Variants in NDUFS2 observed in about 807,000 individuals in gnomAD.
NDUFS2 encodes the protein NADH dehydrogenase [ubiquinone] iron-sulfur protein 2, mitochondrial.
In NDUFS2, 38 loss-of-function variants were observed where a neutral mutation model predicts 69.6. The observed-to-expected ratio is 0.55, with a 90% CI of 0.42 to 0.72. The LOEUF (loss-of-function observed/expected upper bound fraction) is 0.72. NDUFS2 is among the 30% of genes least tolerant of loss of function. The probability of loss-of-function intolerance (pLI) is 0.00; values close to 1 mark genes in which losing one functional copy is unlikely to be tolerated. For synonymous variants in NDUFS2, 194 were observed against 211.2 expected, an observed-to-expected ratio of 0.92 and a Z score of 0.70; for missense variants, 468 against 595.0, an observed-to-expected ratio of 0.79 and a Z score of 2.22.
At chr1:161,204,801 C>A (rs1665365804) in intron 2 of NDUFS2, among the ~76,000 whole-genome samples, 1 of 152,082 alleles carries the variant, frequency 6.6e-6, no homozygotes, top group African/African-American at 2.4e-5. Flanking sequence ...TGCGGTGGCT[C>A]ACACTTTGGG....
intron 12 of NDUFS2, 32 bp downstream of exon 12, chr1:161,213,764 A>G (rs373722515): frequency 8.4e-5 from 136 of 1,613,482 alleles, no homozygotes; most frequent in Middle Eastern, 3.3e-4. Context: ...TATAACTCCA[A>G]TGAATTAAAC....
At chr1:161,210,490 A>C (rs981651812) in intron 8 of NDUFS2, 101 bp downstream of exon 8, 49 of 1,605,926 alleles carry the variant, frequency 3.1e-5, no homozygotes, top group Non-Finnish European at 4.2e-5. Context: ...CCTCCTAGTC[A>C]TACCCTGAAT....
At chr1:161,212,898 G>GT (rs907523858) in intron 10 of NDUFS2, among the ~76,000 whole-genome samples, 7 of 151,666 alleles carry the variant, frequency 4.6e-5, no homozygotes, top group African/African-American at 1.2e-4. Context: ...AGAGATTCGG[G>GT]TTTTTTTTAT....
At chr1:161,198,663 T>C, upstream of NDUFS2, 1 of 1,457,136 alleles carries the variant, frequency 6.9e-7, no homozygotes, top group Non-Finnish European at 9.1e-7. This position sits in a 1 kb window ranked among gnomAD's most constrained non-coding sequence, Gnocchi z 4.7. Context: ...ACTGAGGCCG[T>C]CTAGGGCACC....
Position 161,206,468 on chromosome 1 carries a change from C to T in NDUFS2, c.264C>T (p.His88=). 6.2e-7 allele frequency: 1 copy of T among 1,614,262 alleles called. No individual in the cohort carries two copies. The highest frequency in any genetic ancestry group is 8.5e-7 in the Non-Finnish European group (1 of 1,180,048). ...TTACCCTGAACTTTGGGCCCCAACACCCAGCAGCGCATGGTGTCCTGCGAC... is the reference window on the plus strand; with the variant it reads ...TTACCCTGAACTTTGGGCCCCAACATCCAGCAGCGCATGGTGTCCTGCGAC... ...KNITLNFGPQ[H]PAAHGVLRLV... Residue 88 remains histidine (H), a synonymous_variant, in exon 3 of 14, where the codon CAC becomes CAT. Transcript: ENST00000676972.
rs922725469 is a variant in NDUFS2, at chr1:161,203,492, G to A, written c.151G>A (p.Val51Ile). 1 of 1,614,110 alleles carries A rather than the reference G, an allele frequency of 6.2e-7. No homozygotes were observed. The highest frequency in any genetic ancestry group is 8.5e-7 in the Non-Finnish European group (1 of 1,180,018). ...VEWAQQFGGA[V>I]MYPSKETAHW... ...ATGGGCACAGCAGTTTGGGGGAGCT[G>A]TTATGTACCCAAGCAAAGAAACAGC... Residue 51 changes from valine (V) to isoleucine (I), a missense_variant, in exon 2 of 14, where the codon GTT becomes ATT. Transcript: ENST00000676972.
In NDUFS2 at chr1:161,203,503, A is replaced by G. The variant is rs569128565; in HGVS notation, c.162A>G (p.Pro54=). Residue 54 remains proline (P), a synonymous_variant, in exon 2 of 14, where the codon CCA becomes CCG. Coordinates refer to ENST00000676972, the MANE Select transcript of NDUFS2 (RefSeq NM_001377299.1). ...AQQFGGAVMY[P]SKETAHWKPP... ...AGTTTGGGGGAGCTGTTATGTACCC[A>G]AGCAAAGAAACAGCCCACTGGAAGC... The G allele has an allele frequency of 4.9e-5, 79 of 1,613,984 alleles. 1 individual carries two copies. In the South Asian group the frequency reaches 6.6e-4, roughly 13 times the overall value.
chr1:161,202,209 T>A, upstream of NDUFS2: 1 of 674,892 alleles, frequency 1.5e-6, no homozygotes, highest in South Asian at 1.6e-5. Flanking sequence ...GTCACTGTTA[T>A]CTAAACGCAA....
chr1:161,213,826 A>G (rs758904393), intron 12 of NDUFS2, 38 bp from the exon 13 acceptor site: 1 of 1,613,090 alleles, frequency 6.2e-7, no homozygotes, highest in Non-Finnish European at 8.5e-7. Context: ...CCACCTTGCA[A>G]GTCTTAACTA....
At chr1:161,204,686 C>T (rs143414774) in intron 2 of NDUFS2, among the ~76,000 whole-genome samples, 62 of 152,304 alleles carry the variant, frequency 4.1e-4, no homozygotes, top group African/African-American at 1.3e-3. Context: ...CAAACATTTT[C>T]GTATGCATTA....
chr1:161,209,967 C>G (rs766310557), intron 6 of NDUFS2, 36 bp downstream of exon 6: 4 of 1,612,732 alleles, frequency 2.5e-6, no homozygotes, highest in South Asian at 1.1e-5. Context: ...ATGTCCAGCC[C>G]AGGCCTATTT....
intron 1 of NDUFS2, among the ~76,000 whole-genome samples, chr1:161,203,078 G>T (rs138757419): frequency 6.6e-5 from 10 of 152,060 alleles, no homozygotes; most frequent in African/African-American, 1.2e-4. Context: ...AGGCCTAGGC[G>T]GGCAGATCAT....
Position 161,210,182 on chromosome 1 carries a change from G to A in NDUFS2, c.774G>A (p.Leu258=). 1 of 1,614,066 alleles carries A rather than the reference G, an allele frequency of 6.2e-7. No homozygotes were observed. Among genetic ancestry groups the A allele is most frequent in the Non-Finnish European group, 8.5e-7 (1 of 1,179,988 alleles). The stretch of plus-strand genomic sequence containing the variant: ...ACTTCTCTCTTCGGCTTGATGAGTT[G>A]GAGGAGGTAAGCTAGGAGTCAATGG... ...SKNFSLRLDE[L]EELLTNNRIW... The change falls in exon 7 of 14, where the codon TTG becomes TTA. Residue 258 remains leucine (L), a synonymous_variant. Transcript: ENST00000676972.
Position 161,214,383 on chromosome 1 carries a change from C to A in NDUFS2, c.*190C>A. 1 of 643,976 alleles carries A rather than the reference C, an allele frequency of 1.6e-6. No individual in the cohort carries two copies. The highest frequency in any genetic ancestry group is 2.7e-6 in the Non-Finnish European group (1 of 365,968). 39.9% of individuals were successfully genotyped at this position (643,976 alleles called of 1,614,324 possible). A position where few individuals can be genotyped will look rare whatever the true frequency, so the allele number is the denominator to read the frequency against. Reference sequence around the variant, plus strand: ...TATAATAAATTAGCCGTCTTGCGGCCCCTAGGCCTAAACTTCTGGTATCTT... The same window carrying A: ...TATAATAAATTAGCCGTCTTGCGGCACCTAGGCCTAAACTTCTGGTATCTT... On this transcript the variant is annotated 3_prime_UTR_variant, in exon 14 of 14. Coordinates refer to ENST00000676972, the MANE Select transcript of NDUFS2 (RefSeq NM_001377299.1).
In NDUFS2 at chr1:161,210,176, T is replaced by C; in HGVS notation, c.768T>C (p.Asp256=). The change falls in exon 7 of 14, where the codon GAT becomes GAC. Residue 256 remains aspartate (D), a synonymous_variant. Transcript: ENST00000676972. ...CTAAGAACTTCTCTCTTCGGCTTGA[T>C]GAGTTGGAGGAGGTAAGCTAGGAGT... ...QFSKNFSLRL[D]ELEELLTNNR... 6.2e-7 allele frequency: 1 copy of C among 1,613,916 alleles called. No individual in the cohort carries two copies. The highest frequency in any genetic ancestry group is 2.2e-5 in the East Asian group (1 of 44,864).
At chr1:161,210,523 T>TC in intron 8 of NDUFS2, 68 bp from the exon 9 acceptor site, 10 of 1,612,178 alleles carry the variant, frequency 6.2e-6, no homozygotes, top group African/African-American at 4.0e-5. Flanking sequence ...CAAGGGAGGC[T>TC]AAGGAAGAAG....
intron 1 of NDUFS2, 85 bp from the exon 2 acceptor site, chr1:161,203,352 C>G: frequency 8.5e-7 from 1 of 1,182,166 alleles, no homozygotes. Flanking sequence ...GGTCATCCTT[C>G]CTGGGTCCCC....
Position 161,213,385 on chromosome 1 carries a change from C to G in NDUFS2, c.1122C>G (p.Ser374=). The change falls in exon 11 of 14, where the codon TCC becomes TCG. Residue 374 remains serine, a synonymous_variant. Transcript: ENST00000676972. ...TCCCTGTTTCCTCTCTTCAGACTTC[C>G]ATGGAGTCACTGATTCATCACTTTA... is the stretch of plus-strand genomic sequence containing the variant. ...SPPKRAEMKT[S]MESLIHHFKL... 1 of 1,607,862 alleles carries G rather than the reference C, an allele frequency of 6.2e-7. No homozygotes were observed.
intron 2 of NDUFS2, among the ~76,000 whole-genome samples, chr1:161,205,964 A>G (rs936670640): frequency 6.6e-6 from 1 of 152,140 alleles, no homozygotes; most frequent in Non-Finnish European, 1.5e-5. Flanking sequence ...TACTAGTTTT[A>G]TGATCCTGGA....
Sources: allele counts gnomAD v4.1 joint callset (sites outside exome capture counted in the v4.1 genomes callset), GRCh38; gene constraint gnomAD v4.1.1; non-coding constraint Gnocchi (gnomAD v3.1); transcripts MANE v1.5; gene names NCBI Gene and HGNC (gene_info 2026-07-23, HGNC 2026-07-21).